KPNA6: variants seen among roughly 807,000 people sequenced by gnomAD.
KPNA6 encodes the protein importin subunit alpha-7.
A neutral mutation model predicts 72.0 loss-of-function variants in KPNA6; 9 were observed. That is an observed-to-expected ratio of 0.13 (90% confidence interval 0.08 to 0.22). The LOEUF is 0.22. Ranked by LOEUF, KPNA6 falls within the 10% of genes least tolerant of loss-of-function variation. KPNA6 has a pLI of 1.00. For missense variants in KPNA6, 374 were observed against 655.7 expected (o/e 0.57, Z 4.69); for synonymous variants, 219 against 242.1 (o/e 0.90, Z 0.89).
At chr1:32,140,136 G>A (rs1428082794) in intron 1 of KPNA6, among the ~76,000 whole-genome samples, 1 of 152,142 alleles carries the variant, frequency 6.6e-6, no homozygotes, top group Non-Finnish European at 1.5e-5. Flanking sequence ...TGTAATCCCA[G>A]CACTTTGGGA....
chr1:32,159,495 G>A lies in KPNA6; in HGVS notation c.522G>A (p.Glu174=). 3 of 1,614,150 alleles carry A rather than the reference G, an allele frequency of 1.9e-6. No homozygotes were observed. The highest frequency in any genetic ancestry group is 2.5e-6 in the Non-Finnish European group (3 of 1,180,014). The change falls in exon 6 of 14, where the codon GAG becomes GAA. Residue 174 remains glutamate (E), a synonymous_variant. Transcript: ENST00000373625. The stretch of plus-strand genomic sequence containing the variant: ...CAGGGGCTGTCCCCATTTTTATAGA[G>A]CTGCTTAATTCAGACTTTGAGGATG... ...IEAGAVPIFI[E]LLNSDFEDVQ...
At chr1:32,133,071 C>T (rs543443943) in intron 1 of KPNA6, among the ~76,000 whole-genome samples, 47 of 151,388 alleles carry the variant, frequency 3.1e-4, no homozygotes, top group African/African-American at 1.1e-3. Context: ...GGGCTGGGTG[C>T]GGGGTCTCAC....
chr1:32,160,755 C>A (rs533648374), intron 7 of KPNA6, 52 bp downstream of exon 7: 6 of 1,342,892 alleles, frequency 4.5e-6, no homozygotes, highest in South Asian at 3.5e-5. Flanking sequence ...GGCCACGTGG[C>A]AGGTCATTTG....
chr1:32,119,855 C>T (rs1357245775), intron 1 of KPNA6, among the ~76,000 whole-genome samples: 2 of 151,578 alleles, frequency 1.3e-5, no homozygotes, highest in Non-Finnish European at 2.9e-5. Flanking sequence ...AGCAATTCTC[C>T]TGCCTCAGCC....
intron 2 of KPNA6, 95 bp from the exon 3 acceptor site, chr1:32,156,758 A>G: frequency 3.2e-6 from 3 of 923,614 alleles, no homozygotes; most frequent in East Asian, 2.4e-5. Context: ...CTACTCTAGT[A>G]TATCCTTGTC....
chr1:32,116,650 C>CA (rs1047508727), intron 1 of KPNA6, among the ~76,000 whole-genome samples: 173 of 150,840 alleles, frequency 1.1e-3, no homozygotes, highest in African/African-American at 3.8e-3. Flanking sequence ...TCCTTCACAA[C>CA]AAAAAAAAAG....
chr1:32,131,820 CT>C (rs1235053045), intron 1 of KPNA6, among the ~76,000 whole-genome samples: 5 of 151,594 alleles, frequency 3.3e-5, no homozygotes, highest in Admixed American at 2.6e-4. Context: ...TGCACCCCAC[CT>C]TTTTTTCTTC....
In KPNA6 at chr1:32,109,766, T is replaced by A. The variant is rs184427107; in HGVS notation, c.4+1632T>A. Among the ~76,000 whole-genome samples the A allele has an allele frequency of 2.6e-5, 4 of 151,632 alleles. No homozygotes were observed. In the East Asian group the frequency reaches 7.8e-4, roughly 30 times the overall value. On this transcript the variant is annotated intron_variant, in intron 1 of 13. Transcript: ENST00000373625. ...TTCACGCCATTCTCCTGCCTCAGCC[T>A]CCCGAGTAGTTGGGACTACAGGTGC...
chr1:32,122,872 G>T (rs757247202), intron 1 of KPNA6, among the ~76,000 whole-genome samples: 1 of 150,874 alleles, frequency 6.6e-6, no homozygotes, highest in African/African-American at 2.4e-5. Flanking sequence ...TAGGACAGTC[G>T]CTTGAACCTG....
chr1:32,143,305 G>T (rs574335069), intron 1 of KPNA6, among the ~76,000 whole-genome samples: 1 of 152,048 alleles, frequency 6.6e-6, no homozygotes, highest in African/African-American at 2.4e-5. Flanking sequence ...GGCTCAAGCA[G>T]TCTGCCCACT....
intron 1 of KPNA6, among the ~76,000 whole-genome samples, chr1:32,127,766 T>C (rs1641559836): frequency 6.6e-6 from 1 of 152,168 alleles, no homozygotes; most frequent in African/African-American, 2.4e-5. Context: ...ATTAACCATC[T>C]AGCCTTCAAA....
At chr1:32,141,531 G>A (rs542398203) in intron 1 of KPNA6, among the ~76,000 whole-genome samples, 15 of 151,446 alleles carry the variant, frequency 9.9e-5, no homozygotes, top group Admixed American at 9.9e-4. Context: ...CCAAGTGGCT[G>A]GGATTACAGG....
intron 1 of KPNA6, among the ~76,000 whole-genome samples, chr1:32,116,077 T>TG (rs1394952495): frequency 1.1e-4 from 17 of 152,176 alleles, no homozygotes; most frequent in Non-Finnish European, 7.3e-5. Context: ...CGTTAGAGCC[T>TG]GGCTCTGGAT....
At position 32,160,529 on chromosome 1, in the gene KPNA6, TG is replaced by T. The variant is rs148103875; in HGVS notation, c.559-83del. The T allele has an allele frequency of 2.7e-3, 2,621 of 968,906 alleles. 41 individuals are homozygous for T. In the African/African-American group the frequency reaches 0.037, roughly 14 times the overall value. 60.0% of individuals were successfully genotyped at this position (968,906 alleles called of 1,614,324 possible). A position where few individuals can be genotyped will look rare whatever the true frequency, so the allele number is the denominator to read the frequency against. ...GGCCTTGACATCATTCTCATCCTGG[TG>T]GGTACTCACTTTGCAGTTGTGGCTA... is the stretch of plus-strand genomic sequence containing the variant. On this transcript the variant is annotated intron_variant, in intron 6 of 13. Coordinates refer to ENST00000373625, the MANE Select transcript of KPNA6 (RefSeq NM_012316.5).
intron 1 of KPNA6, among the ~76,000 whole-genome samples, chr1:32,128,695 G>A (rs569390779): frequency 6.6e-6 from 1 of 152,016 alleles, no homozygotes; most frequent in East Asian, 1.9e-4. Flanking sequence ...TTGTTGTGGT[G>A]ACTGGCACTT....
At chr1:32,151,664 G>A (rs748915246) in intron 1 of KPNA6, among the ~76,000 whole-genome samples, 20 of 152,314 alleles carry the variant, frequency 1.3e-4, no homozygotes, top group Non-Finnish European at 2.4e-4. Flanking sequence ...AAGCCAAGGA[G>A]ACAAGTAGAG....
intron 1 of KPNA6, among the ~76,000 whole-genome samples, chr1:32,123,538 C>T (rs911388013): frequency 1.3e-5 from 2 of 151,354 alleles, no homozygotes; most frequent in Admixed American, 6.6e-5. Context: ...GTCAGGAGTT[C>T]AAGACCAGCC....
intron 13 of KPNA6, 116 bp from the exon 14 acceptor site, chr1:32,170,591 A>G (rs1642417624): frequency 6.3e-6 from 5 of 790,982 alleles, no homozygotes; most frequent in Non-Finnish European, 6.4e-6. Context: ...TGATCTGATC[A>G]TATGACTTGT....
At chr1:32,160,730 G>A (rs1405155512) in intron 7 of KPNA6, 27 bp downstream of exon 7, 1 of 1,577,684 alleles carries the variant, frequency 6.3e-7, no homozygotes, top group East Asian at 2.2e-5. Context: ...ATCTGTACCT[G>A]GGCGTCTACT....
Sources: gnomAD v4.1 joint callset for allele counts (sites outside exome capture counted in the v4.1 genomes callset) on GRCh38, gnomAD v4.1.1 for gene constraint, MANE v1.5 for transcripts, NCBI Gene and HGNC (gene_info 2026-07-23, HGNC 2026-07-21) for gene names.